Variants in CNOT4 observed in about 807,000 individuals in gnomAD.
The protein encoded by CNOT4 is CCR4-NOT transcription complex subunit 4.
Under a neutral mutation model 73.8 loss-of-function variants are expected in CNOT4, and 8 were observed. That is an observed-to-expected ratio of 0.11 (90% CI 0.06 to 0.20). The LOEUF (loss-of-function observed/expected upper bound fraction) is 0.20. CNOT4 is among the 10% of genes least tolerant of loss of function. CNOT4 has a pLI of 1.00. For synonymous variants in CNOT4, 293 were observed against 321.1 expected (o/e 0.91, Z 0.94); for missense variants, 564 against 883.4 (o/e 0.64, Z 4.58).
chr7:135,501,193 C>T (rs1431024813), intron 1 of CNOT4, among the ~76,000 whole-genome samples: 1 of 151,980 alleles, frequency 6.6e-6, no homozygotes, highest in African/African-American at 2.4e-5. Context: ...CTATGTTGGC[C>T]AGGCTGGTCT....
At chr7:135,480,888 C>CAAAAAA (rs202103531) in intron 1 of CNOT4, among the ~76,000 whole-genome samples, 1 of 75,834 alleles carries the variant, frequency 1.3e-5, no homozygotes, top group Non-Finnish European at 2.7e-5. Flanking sequence ...TATCTATATG[C>CAAAAAA]AAAAAAAAAA....
chr7:135,372,365 G>A (rs1288469293), intron 10 of CNOT4, among the ~76,000 whole-genome samples: 2 of 152,208 alleles, frequency 1.3e-5, no homozygotes, highest in East Asian at 1.9e-4. Flanking sequence ...AGGCATCCTC[G>A]CTATTTTGCA....
intron 1 of CNOT4, among the ~76,000 whole-genome samples, chr7:135,492,495 A>G (rs138392605): frequency 6.6e-6 from 1 of 152,238 alleles, no homozygotes; most frequent in Non-Finnish European, 1.5e-5. Context: ...AAAAGGCAAT[A>G]GAATCAGTGG....
chr7:135,391,490 A>G (rs951039775), intron 10 of CNOT4, among the ~76,000 whole-genome samples: 2 of 151,978 alleles, frequency 1.3e-5, no homozygotes, highest in African/African-American at 4.8e-5. Flanking sequence ...AAATAGTACA[A>G]CGATTCAGAA....
chr7:135,430,197 CA>C (rs1300864330), intron 2 of CNOT4, among the ~76,000 whole-genome samples: 2 of 151,942 alleles, frequency 1.3e-5, no homozygotes, highest in African/African-American at 4.8e-5. Flanking sequence ...CCTTTGATAC[CA>C]AAACTGAAAA....
intron 2 of CNOT4, among the ~76,000 whole-genome samples, chr7:135,423,761 C>T (rs1278135233): frequency 3.3e-5 from 5 of 152,202 alleles, no homozygotes; most frequent in South Asian, 4.1e-4. Context: ...AACACCCATA[C>T]CACTTGATTC....
chr7:135,490,132 C>T (rs1306162688), intron 1 of CNOT4, among the ~76,000 whole-genome samples: 1 of 152,222 alleles, frequency 6.6e-6, no homozygotes, highest in Non-Finnish European at 1.5e-5. Context: ...TCATTTTCTT[C>T]ACAATTTCAC....
rs554982890 is a variant in CNOT4 at position 135,506,794 on chromosome 7, G to C, written c.-93+3095C>G. Among the ~76,000 whole-genome samples the C allele has an allele frequency of 2.6e-5, 4 of 151,712 alleles. No individual in the cohort carries two copies. The South Asian group carries it at 8.3e-4, about 32-fold the overall frequency. On this transcript the variant is annotated intron_variant, in intron 1 of 11. Coordinates refer to ENST00000541284, the MANE Select transcript of CNOT4 (RefSeq NM_001190850.2). Reference sequence around the variant, plus strand: ...ACCTGGGAGGCAGAGGTTGCAGTGAGCCAAGATCGCACCACTGCACTCCAG... The same window carrying C: ...ACCTGGGAGGCAGAGGTTGCAGTGACCCAAGATCGCACCACTGCACTCCAG...
At chr7:135,395,414 T>C (rs189272476) in intron 9 of CNOT4, among the ~76,000 whole-genome samples, 16 of 152,170 alleles carry the variant, frequency 1.1e-4, no homozygotes, top group Admixed American at 8.5e-4. Context: ...GAAAACAATA[T>C]AACCCTTTAC....
rs1180797768 is a variant in CNOT4 at position 135,455,126 on chromosome 7, T to C, written c.-92-16703A>G. On this transcript the variant is annotated intron_variant, in intron 1 of 11. Coordinates refer to ENST00000541284, the MANE Select transcript of CNOT4 (RefSeq NM_001190850.2). ...ACAGGACAGGAAGAGAAAGAAAGAA[T>C]AGCCAGGCACAGTGGTGTGTGTCTG... Among the ~76,000 whole-genome samples, 5 of 151,436 alleles carry C rather than the reference T, an allele frequency of 3.3e-5. No individual in the cohort carries two copies. In the South Asian group the frequency reaches 6.3e-4, roughly 19 times the overall value.
At chr7:135,397,073 A>G (rs534659645) in intron 8 of CNOT4, among the ~76,000 whole-genome samples, 13 of 152,292 alleles carry the variant, frequency 8.5e-5, no homozygotes, top group Non-Finnish European at 1.6e-4. Flanking sequence ...GACCGCAAAA[A>G]CATTATTTCA....
At chr7:135,482,987 A>C (rs1802481033) in intron 1 of CNOT4, among the ~76,000 whole-genome samples, 1 of 95,888 alleles carries the variant, frequency 1.0e-5, no homozygotes. Flanking sequence ...ACTCCATATC[A>C]AAAAAAAAAA....
At chr7:135,368,938 T>C (rs144983423) in intron 10 of CNOT4, among the ~76,000 whole-genome samples, 75 of 152,324 alleles carry the variant, frequency 4.9e-4, no homozygotes, top group Non-Finnish European at 9.6e-4. Context: ...TTAATTATTA[T>C]GAAATGTAAA....
chr7:135,418,444 T>A (rs138645279), intron 3 of CNOT4, among the ~76,000 whole-genome samples: 1 of 152,352 alleles, frequency 6.6e-6, no homozygotes, highest in Non-Finnish European at 1.5e-5. Context: ...CAAGGGCATG[T>A]CTAGTACCAA....
intron 6 of CNOT4, among the ~76,000 whole-genome samples, chr7:135,411,188 T>C (rs949476104): frequency 3.9e-5 from 6 of 152,084 alleles, no homozygotes; most frequent in African/African-American, 7.2e-5. Flanking sequence ...GCTTTCTCTT[T>C]TCTTCTATGG....
At chr7:135,479,111 A>T (rs1297737842) in intron 1 of CNOT4, among the ~76,000 whole-genome samples, 2 of 150,838 alleles carry the variant, frequency 1.3e-5, no homozygotes, top group Non-Finnish European at 2.9e-5. Flanking sequence ...TGGTATGTGC[A>T]TTTTTTTAGC....
intron 8 of CNOT4, 123 bp from the exon 9 acceptor site, chr7:135,396,006 T>A: frequency 1.6e-6 from 1 of 633,446 alleles, no homozygotes; most frequent in Non-Finnish European, 2.7e-6. Flanking sequence ...GAAGATGTTT[T>A]AATGAAAGCA....
intron 8 of CNOT4, among the ~76,000 whole-genome samples, chr7:135,396,821 C>G (rs1032336127): frequency 1.3e-5 from 2 of 152,124 alleles, no homozygotes; most frequent in Non-Finnish European, 2.9e-5. Context: ...GCTGCTGAAA[C>G]TTGGCTCTTT....
At chr7:135,368,779 C>A (rs1162084427) in intron 10 of CNOT4, among the ~76,000 whole-genome samples, 1 of 152,174 alleles carries the variant, frequency 6.6e-6, no homozygotes, top group Non-Finnish European at 1.5e-5. Context: ...CACAGAAAGG[C>A]ATTTAAACAA....
Sources: allele counts gnomAD v4.1 joint callset (sites outside exome capture counted in the v4.1 genomes callset), GRCh38; gene constraint gnomAD v4.1.1; transcripts MANE v1.5; gene names NCBI Gene and HGNC (gene_info 2026-07-23, HGNC 2026-07-21).